EMC10: variants seen among roughly 807,000 people sequenced by gnomAD.
EMC10 encodes the protein UPF0510 protein INM02.
Under a neutral mutation model 32.2 loss-of-function variants are expected in EMC10, and 40 were observed. The ratio of observed to expected loss-of-function variants is 1.24; its 90% CI spans 0.96 to 1.61. The LOEUF (loss-of-function observed/expected upper bound fraction) is 1.61, where lower values mean the gene tolerates loss of function less well. Ranked by LOEUF, EMC10 falls within the 40% of genes most tolerant of loss-of-function variation. The pLI, the probability that EMC10 is intolerant of heterozygous loss-of-function variation, is 0.00. For missense variants in EMC10, 402 were observed against 357.7 expected (o/e 1.12, Z -1.00); for synonymous variants, 178 against 158.4 (o/e 1.12, Z -0.93).
chr19:50,482,763 C>T lies in EMC10; in HGVS notation c.*504C>T, dbSNP rs1384162469. 1.0e-5 allele frequency: 5 copies of T among 489,018 alleles called. No individual in the cohort carries two copies. Among genetic ancestry groups the T allele is most frequent in the African/African-American group, 2.0e-5 (1 of 50,364 alleles). 30.3% of individuals were successfully genotyped at this position (489,018 alleles called of 1,614,324 possible). The stretch of plus-strand genomic sequence containing the variant: ...TCCCTTCTGTGTCCCCTTGAGGGTA[C>T]CCTGGGTCCCCTCATCAGGGGCAGA... On this transcript the variant is annotated 3_prime_UTR_variant, in exon 7 of 7. Coordinates refer to ENST00000334976, the MANE Select transcript of EMC10 (RefSeq NM_206538.4).
In EMC10 at chr19:50,489,025, G is replaced by A. The variant is rs1332351064; in HGVS notation, c.*6766G>A. The A allele has an allele frequency of 6.7e-6, 1 of 149,942 alleles. No homozygotes were observed. The highest frequency in any genetic ancestry group is 2.5e-5 in the African/African-American group (1 of 40,022). 9.3% of individuals were successfully genotyped at this position (149,942 alleles called of 1,614,324 possible). ...AGCGGTGCGGAGGGGGAGAGAGAAA[G>A]AGGGAGGGAAGGAGGGTAGGAGAGG... On this transcript the variant is annotated 3_prime_UTR_variant, in exon 7 of 7. Transcript: ENST00000334976.
rs2040350594 is a variant in EMC10, at chr19:50,483,166, C to T, written c.*907C>T. 1 of 457,422 alleles carries T rather than the reference C, an allele frequency of 2.2e-6. No homozygotes were observed. Among genetic ancestry groups the T allele is most frequent in the Non-Finnish European group, 4.4e-6 (1 of 227,944 alleles). 28.3% of individuals were successfully genotyped at this position (457,422 alleles called of 1,614,324 possible). On this transcript the variant is annotated 3_prime_UTR_variant, in exon 7 of 7. Coordinates refer to ENST00000334976, the MANE Select transcript of EMC10 (RefSeq NM_206538.4). ...GAACGTTTTGAAAAGCTACAGCTTC[C>T]AGCAGCCAAAAGCAACTGTTGTTTT...
Position 50,482,936 on chromosome 19 carries a change from C to T in EMC10, c.*677C>T, listed in dbSNP as rs2040346518. On this transcript the variant is annotated 3_prime_UTR_variant, in exon 7 of 7. Transcript: ENST00000334976. ...GACAGGCCCTCCACAGGCTTCCAGA[C>T]TTGAAGGAAAAGGTTTAAGAAAGAA... The T allele has an allele frequency of 3.5e-6, 2 of 567,422 alleles. No homozygotes were observed. The highest frequency in any genetic ancestry group is 4.5e-5 in the South Asian group (2 of 43,986). The allele number at this position is 567,422 out of a possible 1,614,324, so 35.1% of individuals were successfully genotyped here. A position where few individuals can be genotyped will look rare whatever the true frequency, so the allele number is the denominator to read the frequency against.
At chr19:50,481,217 A>G in intron 6 of EMC10, 1 of 471,580 alleles carries the variant, frequency 2.1e-6, no homozygotes, top group South Asian at 3.7e-5. Context: ...TCTCGGCCTG[A>G]GCTAGGTTGG....
chr19:50,481,954 A>G, intron 6 of EMC10, 195 bp from the exon 7 acceptor site: 1 of 1,607,962 alleles, frequency 6.2e-7, no homozygotes, highest in Non-Finnish European at 8.5e-7. Context: ...CTGAGTGAGG[A>G]CCGAGACCCC....
Position 50,487,703 on chromosome 19 carries a change from C to T in EMC10, c.*5444C>T. On this transcript the variant is annotated 3_prime_UTR_variant, in exon 7 of 7. Transcript: ENST00000334976. ...GGCCCACCAGGCAGGGATGCAGGGG[C>T]CACCTGGAGACGGAGGAGACGGGGC... is the stretch of plus-strand genomic sequence containing the variant. 6.5e-6 allele frequency: 1 copy of T among 153,106 alleles called. No homozygotes were observed. The highest frequency in any genetic ancestry group is 1.5e-5 in the Non-Finnish European group (1 of 68,804). 9.5% of individuals were successfully genotyped at this position (153,106 alleles called of 1,614,324 possible). A position where few individuals can be genotyped will look rare whatever the true frequency, so the allele number is the denominator to read the frequency against.
At chr19:50,478,145 C>T (rs2040260024) in intron 2 of EMC10, 144 bp downstream of exon 2, 1 of 678,430 alleles carries the variant, frequency 1.5e-6, no homozygotes, top group Non-Finnish European at 2.4e-6. Flanking sequence ...GAAAGTGGGA[C>T]ATGAAAGAAG....
chr19:50,480,910 G>A lies in EMC10; in HGVS notation c.611G>A (p.Arg204His), dbSNP rs749131925. ...CCTGAGACGGCGGCCTTCATTGAGC[G>A]CCTGGAGATGGAACAGGCCCAGAAG... ...PGPETAAFIE[R>H]LEMEQAQKAK... Residue 204 changes from arginine (R) to histidine (H), a missense_variant, in exon 6 of 7, where the codon CGC becomes CAC. Physicochemically the swap from Arg to His is conservative, Grantham distance 29. Transcript: ENST00000334976. The surrounding 1 kb of genome is among the most constrained non-coding windows in gnomAD (Gnocchi z 4.4). 10 of 1,611,156 alleles carry A rather than the reference G, an allele frequency of 6.2e-6. No homozygotes were observed. In the Admixed American group the frequency reaches 6.7e-5, roughly 11 times the overall value.
rs1050871136 is a variant in EMC10, at chr19:50,486,778, T to C, written c.*4519T>C. ...ACCCACCCATAGAATGACTTGAAAA[T>C]GTGTGAAGTTCAGAAGTTTCATACC... On this transcript the variant is annotated 3_prime_UTR_variant, in exon 7 of 7. Coordinates refer to ENST00000334976, the MANE Select transcript of EMC10 (RefSeq NM_206538.4). 5 of 152,126 alleles carry C rather than the reference T, an allele frequency of 3.3e-5. No homozygotes were observed. Among genetic ancestry groups the C allele is most frequent in the Non-Finnish European group, 7.3e-5 (5 of 68,028 alleles). 9.4% of individuals were successfully genotyped at this position (152,126 alleles called of 1,614,324 possible). A position where few individuals can be genotyped will look rare whatever the true frequency, so the allele number is the denominator to read the frequency against.
At chr19:50,478,239 G>A (rs986932750) in intron 2 of EMC10, among the ~76,000 whole-genome samples, 2 of 152,280 alleles carry the variant, frequency 1.3e-5, no homozygotes, top group East Asian at 1.9e-4. Flanking sequence ...ATTTCAGAGC[G>A]GCTTTCCTGA....
In EMC10 at chr19:50,480,156, C is replaced by T. The variant is rs151303712; in HGVS notation, c.343C>T (p.Arg115Ter). 176 of 1,613,520 alleles carry T rather than the reference C, an allele frequency of 1.1e-4. No homozygotes were observed. The highest frequency in any genetic ancestry group is 1.3e-4 in the Non-Finnish European group (149 of 1,179,870). The change falls in exon 4 of 7, where the codon CGA (arginine) becomes TGA (stop). Residue 115 changes from arginine to a stop codon, truncating the protein, a stop_gained. Transcript: ENST00000334976. LOFTEE classifies it high-confidence loss of function. This position sits in a 1 kb window ranked among gnomAD's most constrained non-coding sequence, Gnocchi z 4.4. ...NGLYRVRIPR[R>*]PGALDGLEAG... ...CCTGTACCGGGTCCGGATCCCAAGGCGACCCGGGGCCCTGGATGGCCTGGA... is the reference window on the plus strand; with the variant it reads ...CCTGTACCGGGTCCGGATCCCAAGGTGACCCGGGGCCCTGGATGGCCTGGA...
intron 3 of EMC10, among the ~76,000 whole-genome samples, chr19:50,479,555 AAG>A (rs1601324966): frequency 6.6e-6 from 1 of 152,150 alleles, no homozygotes; most frequent in Admixed American, 6.5e-5. Context: ...GAGAGGGAGA[AAG>A]AGGGGCAGAA....
At chr19:50,482,107 C>T (rs1004066439) in intron 6 of EMC10, 42 bp from the exon 7 acceptor site, 22 of 1,409,428 alleles carry the variant, frequency 1.6e-5, no homozygotes, top group East Asian at 1.4e-4. Context: ...CCCTCTCTCT[C>T]TCTTTCTGTG....
Position 50,480,709 on chromosome 19 carries a change from C to T in EMC10, c.531C>T (p.Asp177=). The T allele has an allele frequency of 6.2e-7, 1 of 1,605,824 alleles. No individual in the cohort carries two copies. The highest frequency in any genetic ancestry group is 8.5e-7 in the Non-Finnish European group (1 of 1,177,242). ...GCRGHEVEDV[D]LELFNTSVQL... is the part of the protein sequence containing the mutation. ...GGGGCCATGAGGTGGAGGACGTGGACCTGGAGCTGTTCAACACCTCGGTGC... is the reference window on the plus strand; with the variant it reads ...GGGGCCATGAGGTGGAGGACGTGGATCTGGAGCTGTTCAACACCTCGGTGC... The change falls in exon 5 of 7, where the codon GAC becomes GAT. Residue 177 remains aspartate, a synonymous_variant. Transcript: ENST00000334976. This position sits in a 1 kb window ranked among gnomAD's most constrained non-coding sequence, Gnocchi z 4.4.
At chr19:50,478,664 T>C (rs1028656062) in intron 2 of EMC10, among the ~76,000 whole-genome samples, 3 of 152,186 alleles carry the variant, frequency 2.0e-5, no homozygotes, top group Non-Finnish European at 2.9e-5. Flanking sequence ...TATTTTGCAG[T>C]TGGGGAAGCT....
rs978375911 is a variant in EMC10 at position 50,487,231 on chromosome 19, T to A, written c.*4972T>A. 6.6e-6 allele frequency: 1 copy of A among 152,246 alleles called. No individual in the cohort carries two copies. Among genetic ancestry groups the A allele is most frequent in the Non-Finnish European group, 1.5e-5 (1 of 68,064 alleles). 9.4% of individuals were successfully genotyped at this position (152,246 alleles called of 1,614,324 possible). A position where few individuals can be genotyped will look rare whatever the true frequency, so the allele number is the denominator to read the frequency against. ...TGAGGTCCCCTCAGTGCTGAGGTGC[T>A]TCATGTTGTCAGAGGAAGAGTTGGG... On this transcript the variant is annotated 3_prime_UTR_variant, in exon 7 of 7. Transcript: ENST00000334976.
Position 50,489,488 on chromosome 19 carries a change from C to G in EMC10, c.*7229C>G, listed in dbSNP as rs1978531700. On this transcript the variant is annotated 3_prime_UTR_variant, in exon 7 of 7. Coordinates refer to ENST00000334976, the MANE Select transcript of EMC10 (RefSeq NM_206538.4). ...CGGGGCAGGAAGCAGGAACGTGAAG[C>G]AGGTTAGGAGCCAGTGTGAGGCACG... 1 of 152,692 alleles carries G rather than the reference C, an allele frequency of 6.5e-6. No homozygotes were observed. 9.5% of individuals were successfully genotyped at this position (152,692 alleles called of 1,614,324 possible).
In EMC10 at chr19:50,483,559, C is replaced by G. The variant is rs1054362063; in HGVS notation, c.*1300C>G. On this transcript the variant is annotated 3_prime_UTR_variant, in exon 7 of 7. Transcript: ENST00000334976. Reference sequence around the variant, plus strand: ...TGCACCGTGGGAGGTTGCCTTCCCTCCCATCACTTCTTTTTGTTTTTGAGT... The same window carrying G: ...TGCACCGTGGGAGGTTGCCTTCCCTGCCATCACTTCTTTTTGTTTTTGAGT... The G allele has an allele frequency of 3.2e-5, 5 of 156,880 alleles. No homozygotes were observed. Among genetic ancestry groups the G allele is most frequent in the African/African-American group, 9.6e-5 (4 of 41,480 alleles). 9.7% of individuals were successfully genotyped at this position (156,880 alleles called of 1,614,324 possible). A position where few individuals can be genotyped will look rare whatever the true frequency, so the allele number is the denominator to read the frequency against.
rs1364790198 is a variant in EMC10, at chr19:50,482,726, T to A, written c.*467T>A. 3 of 486,490 alleles carry A rather than the reference T, an allele frequency of 6.2e-6. No homozygotes were observed. The highest frequency in any genetic ancestry group is 7.2e-6 in the Non-Finnish European group (2 of 276,784). 30.1% of individuals were successfully genotyped at this position (486,490 alleles called of 1,614,324 possible). A position where few individuals can be genotyped will look rare whatever the true frequency, so the allele number is the denominator to read the frequency against. On this transcript the variant is annotated 3_prime_UTR_variant, in exon 7 of 7. Transcript: ENST00000334976. ...CGCCCCCCTCACTTTGACACTGGAC[T>A]AGGATGCAGCCTCCCTTCTGTGTCC...
Sources: allele counts gnomAD v4.1 joint callset (sites outside exome capture counted in the v4.1 genomes callset), GRCh38; gene constraint gnomAD v4.1.1; non-coding constraint Gnocchi (gnomAD v3.1); transcripts MANE v1.5; gene names NCBI Gene and HGNC (gene_info 2026-07-23, HGNC 2026-07-21).